PTDSS2: variants seen among roughly 807,000 people sequenced by gnomAD.
PTDSS2 encodes the protein PSS-2.
PTDSS2 carries 41 observed loss-of-function variants against 64.7 expected under a neutral mutation model. The observed-to-expected ratio is 0.63, with a 90% CI of 0.49 to 0.82. PTDSS2 has a LOEUF of 0.82. Among genes scored for constraint, PTDSS2 ranks in the 40% least tolerant of loss-of-function variants. The pLI, the probability that PTDSS2 is intolerant of heterozygous loss-of-function variation, is 0.00. For missense variants in PTDSS2, 485 were observed against 650.0 expected (o/e 0.75, Z 2.76); for synonymous variants, 297 against 277.8 (o/e 1.07, Z -0.69).
intron 2 of PTDSS2, among the ~76,000 whole-genome samples, chr11:466,762 G>A (rs569073980): frequency 1.3e-5 from 2 of 152,084 alleles, no homozygotes; most frequent in Non-Finnish European, 2.9e-5. Context: ...CACTACATGA[G>A]AACAGCATGG....
At chr11:475,427 TACAG>T (rs1419266260) in intron 3 of PTDSS2, among the ~76,000 whole-genome samples, 4 of 145,338 alleles carry the variant, frequency 2.8e-5, no homozygotes, top group African/African-American at 5.2e-5. Flanking sequence ...CATTTGTGTG[TACAG>T]ACATTCACGC....
rs373599789 is a variant in PTDSS2 at position 487,484 on chromosome 11, T to A, written c.621+14T>A. 1.2e-5 allele frequency: 19 copies of A among 1,613,144 alleles called. No homozygotes were observed. The highest frequency in any genetic ancestry group is 1.6e-5 in the Non-Finnish European group (19 of 1,179,464). On this transcript the variant is annotated intron_variant, in intron 6 of 11. Transcript: ENST00000308020. ...TGGTACCTGAAGGTACGGCACCTCC[T>A]CTTCCCGGCCTCCCCGCCCCGGTTC... is the stretch of plus-strand genomic sequence containing the variant.
chr11:474,454 G>A (rs964223571), intron 3 of PTDSS2, among the ~76,000 whole-genome samples: 1 of 151,912 alleles, frequency 6.6e-6, no homozygotes, highest in African/African-American at 2.4e-5. Flanking sequence ...GCTCCAGATG[G>A]GGCTGTGAGG....
At chr11:478,586 A>C (rs1847921064) in intron 3 of PTDSS2, among the ~76,000 whole-genome samples, 1 of 152,146 alleles carries the variant, frequency 6.6e-6, no homozygotes. Context: ...GTCCCGACTG[A>C]AAATACAAAA....
intron 1 of PTDSS2, among the ~76,000 whole-genome samples, chr11:455,417 C>T (rs1846540685): frequency 1.3e-5 from 2 of 152,188 alleles, no homozygotes; most frequent in Admixed American, 6.5e-5. Flanking sequence ...TGCACTCCAG[C>T]CAGGCAGAGT....
At position 450,546 on chromosome 11, in the gene PTDSS2, G is replaced by C. The variant is rs2133742137; in HGVS notation, c.91G>C (p.Gly31Arg). 2 of 1,242,322 alleles carry C rather than the reference G, an allele frequency of 1.6e-6. No individual in the cohort carries two copies. The highest frequency in any genetic ancestry group is 4.1e-5 in the South Asian group (1 of 24,310). 77.0% of individuals were successfully genotyped at this position (1,242,322 alleles called of 1,614,324 possible). A position where few individuals can be genotyped will look rare whatever the true frequency, so the allele number is the denominator to read the frequency against. ...GGCCTCGCTGGAGGAGCCGCCTGAC[G>C]GGCCGTCTGCCGGCCAAGCCACCGG... ...GRASLEEPPD[G>R]PSAGQATGPG... The change falls in exon 1 of 12, where the codon GGG becomes CGG. Residue 31 changes from glycine to arginine, a missense_variant. By Grantham distance (125) the Gly-to-Arg change is moderately radical. Coordinates refer to ENST00000308020, the MANE Select transcript of PTDSS2 (RefSeq NM_030783.3).
intron 1 of PTDSS2, among the ~76,000 whole-genome samples, chr11:453,034 G>T (rs76636931): frequency 0.03 from 4,596 of 152,114 alleles, 242 homozygotes; most frequent in African/African-American, 0.1. Flanking sequence ...TCCAGCCAGG[G>T]CGTTCATTTT....
In PTDSS2 at chr11:487,088, G is replaced by C. The variant is rs774634682; in HGVS notation, c.570+15G>C. 1.6e-5 allele frequency: 25 copies of C among 1,607,354 alleles called. No individual in the cohort carries two copies. Among genetic ancestry groups the C allele is most frequent in the Non-Finnish European group, 1.9e-5 (22 of 1,176,826 alleles). ...ACAACATCTGGGTAAGACGCCGGGG[G>C]CCCTGAGGCGAGCCCCTCCCCAGGT... On this transcript the variant is annotated intron_variant, in intron 5 of 11. Transcript: ENST00000308020.
At chr11:464,630 T>C (rs1449772158) in intron 2 of PTDSS2, among the ~76,000 whole-genome samples, 1 of 152,216 alleles carries the variant, frequency 6.6e-6, no homozygotes, top group Non-Finnish European at 1.5e-5. Flanking sequence ...GCGGCATCCT[T>C]GCTGTGCCTG....
At chr11:454,979 C>T (rs1590605012) in intron 1 of PTDSS2, among the ~76,000 whole-genome samples, 1 of 151,234 alleles carries the variant, frequency 6.6e-6, no homozygotes. Flanking sequence ...GACTGGGTTG[C>T]AGGCACGTCC....
At position 488,579 on chromosome 11, in the gene PTDSS2, G is replaced by A; in HGVS notation, c.786G>A (p.Met262Ile). 6.2e-7 allele frequency: 1 copy of A among 1,613,594 alleles called. No individual in the cohort carries two copies. Among genetic ancestry groups the A allele is most frequent in the East Asian group, 2.2e-5 (1 of 44,872 alleles). Reference sequence around the variant, plus strand: ...ACGGGCTGGGCATCTACTGCGGCATGAAGACCCTTGAGTGGCTGTCCCTGA... The same window carrying A: ...ACGGGCTGGGCATCTACTGCGGCATAAAGACCCTTGAGTGGCTGTCCCTGA... The part of the protein sequence containing the change: ...VCNGLGIYCG[M>I]KTLEWLSLKT... Residue 262 changes from methionine to isoleucine, a missense_variant, in exon 8 of 12, where the codon ATG (methionine) becomes ATA (isoleucine). By Grantham distance (10) the Met-to-Ile change is conservative. Transcript: ENST00000308020.
Position 467,472 on chromosome 11 carries a change from C to A in PTDSS2, c.285-6423C>A, listed in dbSNP as rs533896773. Among the ~76,000 whole-genome samples the A allele has an allele frequency of 5.9e-5, 9 of 152,288 alleles. No individual in the cohort carries two copies. In the East Asian group the frequency reaches 1.5e-3, roughly 26 times the overall value. The stretch of plus-strand genomic sequence containing the variant: ...TCACAGAACTAAATATAAATATATT[C>A]TTGGGCTGGACGTGGTGGTTCACGC... On this transcript the variant is annotated intron_variant, in intron 2 of 11. Coordinates refer to ENST00000308020, the MANE Select transcript of PTDSS2 (RefSeq NM_030783.3).
intron 11 of PTDSS2, 129 bp downstream of exon 11, chr11:490,197 G>T (rs941077150): frequency 1.7e-6 from 2 of 1,182,966 alleles, no homozygotes; most frequent in East Asian, 2.5e-5. Context: ...CCGCCTCTGC[G>T]GGAGGCGCCT....
chr11:467,966 A>G (rs570591061), intron 2 of PTDSS2, among the ~76,000 whole-genome samples: 7 of 152,292 alleles, frequency 4.6e-5, no homozygotes, highest in Admixed American at 2.6e-4. Context: ...CTGAGACCCC[A>G]TCTCTACCAA....
At chr11:452,290 C>T (rs903631734) in intron 1 of PTDSS2, among the ~76,000 whole-genome samples, 1 of 152,260 alleles carries the variant, frequency 6.6e-6, no homozygotes, top group Non-Finnish European at 1.5e-5. Context: ...GAGAACTAAA[C>T]AAGAAGCTTA....
rs957851956 is a variant in PTDSS2, at chr11:486,413, C to T, written c.436-526C>T. The stretch of plus-strand genomic sequence containing the variant: ...CCTGTGCCCACCTGGCCCCGGGGAG[C>T]GCAGGTGTGGAGATGGGGTGTCGTG... On this transcript the variant is annotated intron_variant, in intron 4 of 11. Transcript: ENST00000308020. 9.2e-5 allele frequency among the ~76,000 whole-genome samples: 14 copies of T among 152,196 alleles called. No homozygotes were observed. The East Asian group carries it at 1.2e-3, about 13-fold the overall frequency.
At chr11:463,079 A>G (rs1253452175) in intron 2 of PTDSS2, 1 of 151,560 alleles carries the variant, frequency 6.6e-6, no homozygotes, top group Non-Finnish European at 1.5e-5. Context: ...AGGCAGGACA[A>G]TCGCATGAAC....
At chr11:478,393 A>C (rs995220914) in intron 3 of PTDSS2, among the ~76,000 whole-genome samples, 1 of 151,914 alleles carries the variant, frequency 6.6e-6, no homozygotes, top group Non-Finnish European at 1.5e-5. Flanking sequence ...CAGGAGGCAG[A>C]GGTTGCAGTG....
In PTDSS2 at chr11:489,656, G is replaced by C; in HGVS notation, c.1038G>C (p.Leu346=). 3 of 1,602,276 alleles carry C rather than the reference G, an allele frequency of 1.9e-6. No homozygotes were observed. The highest frequency in any genetic ancestry group is 2.6e-6 in the Non-Finnish European group (3 of 1,174,522). ...TGTGGATGCCCCCGGAGCACTACCT[G>C]GTCCTCCTGCGGCTCGTCTTCTTCG... ...FVLWMPPEHY[L]VLLRLVFFVN... The change falls in exon 10 of 12, where the codon CTG becomes CTC. Residue 346 remains leucine (L), a synonymous_variant. Transcript: ENST00000308020.
Sources: gnomAD v4.1 joint callset for allele counts (sites outside exome capture counted in the v4.1 genomes callset) on GRCh38, gnomAD v4.1.1 for gene constraint, MANE v1.5 for transcripts, NCBI Gene and HGNC (gene_info 2026-07-23, HGNC 2026-07-21) for gene names.